The following ZNF573 variants were observed in gnomAD, a reference collection of about 807,000 sequenced individuals.
The protein encoded by ZNF573 is zinc finger protein 573.
In ZNF573, 41 loss-of-function variants were observed where a neutral mutation model predicts 57.4. The ratio of observed to expected loss-of-function variants is 0.71; its 90% confidence interval spans 0.56 to 0.93. The LOEUF (loss-of-function observed/expected upper bound fraction) is 0.93, where lower values mean the gene tolerates loss of function less well. Ranked by LOEUF, ZNF573 falls within the 40% of genes least tolerant of loss-of-function variation. The pLI, the probability that ZNF573 is intolerant of heterozygous loss-of-function variation, is 0.00. For synonymous variants in ZNF573, 249 were observed against 261.0 expected, an observed-to-expected ratio of 0.95 and a Z score of 0.44; for missense variants, 730 against 794.8, an observed-to-expected ratio of 0.92 and a Z score of 0.98.
intron 1 of ZNF573, among the ~76,000 whole-genome samples, 177 bp downstream of exon 1, chr19:37,779,367 A>C (rs1354365176): frequency 1.3e-5 from 2 of 152,014 alleles, no homozygotes; most frequent in African/African-American, 4.8e-5. Context: ...CTGTTCATGC[A>C]CCCACGGGCC....
rs367739628 is a variant in ZNF573, at chr19:37,739,882, T to C, written c.608A>G (p.Tyr203Cys). The change falls in exon 5 of 5, where the codon TAT (tyrosine) becomes TGT (cysteine). Residue 203 changes from tyrosine to cysteine, a missense_variant. Transcript: ENST00000536220. ...AAATCTCTGATGCACAGTCAGCTGA[T>C]AACCACTTCTAAAGTTCTTCCCACA... is the stretch of plus-strand genomic sequence containing the variant. Reference protein sequence around the residue: ...TECGKNFRSGYQLTVHQRFHT... With the variant: ...TECGKNFRSGCQLTVHQRFHT... The C allele has an allele frequency of 8.2e-5, 133 of 1,613,848 alleles. No homozygotes were observed. Among genetic ancestry groups the C allele is most frequent in the Non-Finnish European group, 1.1e-4 (130 of 1,179,964 alleles).
Position 37,738,727 on chromosome 19 carries a change from C to T in ZNF573, c.1763G>A (p.Gly588Glu). 1 of 1,613,350 alleles carries T rather than the reference C, an allele frequency of 6.2e-7. No homozygotes were observed. The highest frequency in any genetic ancestry group is 8.5e-7 in the Non-Finnish European group (1 of 1,179,794). The change falls in exon 5 of 5, where the codon GGA becomes GAA. Residue 588 changes from glycine (G) to glutamate (E), a missense_variant. Transcript: ENST00000536220. ...GTAGCCATACATTTTAAAGGCCTTT[C>T]CACATTCTTTACATTCATAGGGTTT... Reference protein sequence around the residue: ...DKKPYECKECGKAFKMYGYLT... With the variant: ...DKKPYECKECEKAFKMYGYLT...
chr19:37,774,910 G>A (rs1311993531), intron 1 of ZNF573, among the ~76,000 whole-genome samples: 1 of 151,484 alleles, frequency 6.6e-6, no homozygotes, highest in Non-Finnish European at 1.5e-5. Context: ...AAATACATGT[G>A]TACACACACA....
At chr19:37,745,405 G>T (rs531759176) in intron 4 of ZNF573, among the ~76,000 whole-genome samples, 1 of 151,040 alleles carries the variant, frequency 6.6e-6, no homozygotes, top group African/African-American at 2.4e-5. Context: ...TTTTTGGGGG[G>T]TGGGGGTGGT....
intron 4 of ZNF573, among the ~76,000 whole-genome samples, chr19:37,761,564 A>C (rs1472106482): frequency 3.3e-5 from 5 of 152,164 alleles, no homozygotes; most frequent in Non-Finnish European, 7.4e-5. Context: ...ACTGGCCATA[A>C]AAAATTCCCT....
chr19:37,773,343 A>T (rs2045676526), intron 2 of ZNF573, among the ~76,000 whole-genome samples: 1 of 152,204 alleles, frequency 6.6e-6, no homozygotes, highest in Non-Finnish European at 1.5e-5. Context: ...AACATCTCTA[A>T]TTCACCAAAC....
At chr19:37,756,087 G>T (rs1186223699) in intron 4 of ZNF573, among the ~76,000 whole-genome samples, 5 of 152,190 alleles carry the variant, frequency 3.3e-5, no homozygotes, top group Non-Finnish European at 7.4e-5. Context: ...CTGATACTGT[G>T]AAAAGGCTGT....
chr19:37,753,119 G>C (rs138162662), intron 4 of ZNF573, among the ~76,000 whole-genome samples: 6 of 152,022 alleles, frequency 3.9e-5, no homozygotes, highest in Non-Finnish European at 7.4e-5. Flanking sequence ...ATCAGCCGGG[G>C]TTGGGGCAGG....
At chr19:37,747,763 C>T (rs1168810021) in intron 4 of ZNF573, among the ~76,000 whole-genome samples, 1 of 151,950 alleles carries the variant, frequency 6.6e-6, no homozygotes, top group Non-Finnish European at 1.5e-5. Context: ...GGTCGGCTCA[C>T]TGCAAACTCT....
chr19:37,746,736 T>G (rs187708695), intron 4 of ZNF573, among the ~76,000 whole-genome samples: 1 of 152,046 alleles, frequency 6.6e-6, no homozygotes, highest in Admixed American at 6.6e-5. Flanking sequence ...GACCCGCGCC[T>G]CCACGCCCAG....
At chr19:37,752,910 C>T (rs552212967) in intron 4 of ZNF573, among the ~76,000 whole-genome samples, 4 of 152,124 alleles carry the variant, frequency 2.6e-5, no homozygotes, top group Non-Finnish European at 5.9e-5. Context: ...GCTGGGATTA[C>T]AAGTATGAGC....
At chr19:37,753,406 CAATTA>C (rs1271974150) in intron 4 of ZNF573, among the ~76,000 whole-genome samples, 1 of 151,786 alleles carries the variant, frequency 6.6e-6, no homozygotes, top group Non-Finnish European at 1.5e-5. Flanking sequence ...TTAAAATATA[CAATTA>C]AATTATTATT....
At chr19:37,778,254 G>A (rs990846832) in intron 1 of ZNF573, among the ~76,000 whole-genome samples, 3 of 149,306 alleles carry the variant, frequency 2.0e-5, no homozygotes, top group Non-Finnish European at 3.0e-5. Context: ...GGTGGCTCAC[G>A]CCTGTAATCC....
intron 4 of ZNF573, 63 bp downstream of exon 4, chr19:37,769,942 T>C: frequency 2.9e-6 from 4 of 1,402,472 alleles, no homozygotes; most frequent in South Asian, 1.2e-5. Flanking sequence ...AACACAAAAA[T>C]GTCTCCTTTC....
At position 37,779,568 on chromosome 19, in the gene ZNF573, G is replaced by A. The variant is rs1028102379; in HGVS notation, c.-47C>T. The A allele has an allele frequency of 4.6e-5, 7 of 152,266 alleles. No individual in the cohort carries two copies. The highest frequency in any genetic ancestry group is 3.3e-4 in the Admixed American group (5 of 15,266). 9.4% of individuals were successfully genotyped at this position (152,266 alleles called of 1,614,324 possible). On this transcript the variant is annotated 5_prime_UTR_variant, in exon 1 of 5. Transcript: ENST00000536220. ...CCTTGCAAAAGAACCACGCGAAAAC[G>A]GAAGGGAAGCCATAGATTGGGTGTT...
chr19:37,740,263 A>G, intron 4 of ZNF573, 69 bp from the exon 5 acceptor site: 1 of 1,385,956 alleles, frequency 7.2e-7, no homozygotes, highest in Non-Finnish European at 9.7e-7. Flanking sequence ...TTTATGCAAC[A>G]AAGAAAAACC....
chr19:37,756,689 C>T (rs1443830803), intron 4 of ZNF573, among the ~76,000 whole-genome samples: 1 of 152,006 alleles, frequency 6.6e-6, no homozygotes, highest in Non-Finnish European at 1.5e-5. Flanking sequence ...CCTCTGTTGG[C>T]TCCTGATTTA....
rs184399269 is a variant in ZNF573, at chr19:37,743,001, G to A, written c.296-2807C>T. Among the ~76,000 whole-genome samples, 26 of 152,240 alleles carry A rather than the reference G, an allele frequency of 1.7e-4. No homozygotes were observed. In the East Asian group the frequency reaches 4.8e-3, roughly 28 times the overall value. On this transcript the variant is annotated intron_variant, in intron 4 of 4. Transcript: ENST00000536220. ...AACCAAACAACACATCAAAAAGTGG[G>A]CAAGGGATATGAACAGACACTTCTC...
intron 4 of ZNF573, among the ~76,000 whole-genome samples, chr19:37,762,983 G>C (rs1877920050): frequency 6.6e-6 from 1 of 152,058 alleles, no homozygotes; most frequent in African/African-American, 2.4e-5. Context: ...ATGTTGAACA[G>C]GCTGGTCTCG....
Sources: gnomAD v4.1 joint callset for allele counts (sites outside exome capture counted in the v4.1 genomes callset) on GRCh38, gnomAD v4.1.1 for gene constraint, MANE v1.5 for transcripts, NCBI Gene and HGNC (gene_info 2026-07-23, HGNC 2026-07-21) for gene names.